Variants in BRINP3 observed in about 807,000 individuals in gnomAD.
The protein encoded by BRINP3 is BMP/retinoic acid inducible neural specific 3, also known as BMP/retinoic acid-inducible neural-specific protein 3.
Under a neutral mutation model 71.0 loss-of-function variants are expected in BRINP3, and 19 were observed. The ratio of observed to expected loss-of-function variants is 0.27; its 90% CI spans 0.19 to 0.39. The LOEUF (loss-of-function observed/expected upper bound fraction) is 0.39. Ranked by LOEUF, BRINP3 falls within the 10% of genes least tolerant of loss-of-function variation. The probability of loss-of-function intolerance (pLI) is 1.00; values close to 1 mark genes in which losing one functional copy is unlikely to be tolerated. For synonymous variants in BRINP3, 380 were observed against 337.7 expected (o/e 1.13, Z -1.37); for missense variants, 959 against 940.8 (o/e 1.02, Z -0.25).
intron 7 of BRINP3, among the ~76,000 whole-genome samples, chr1:190,104,807 C>G (rs1044568234): frequency 2.6e-5 from 4 of 152,022 alleles, no homozygotes; most frequent in African/African-American, 9.7e-5. Flanking sequence ...GTTAAATCTG[C>G]TCTGAGCAGT....
chr1:190,421,695 C>A (rs1467376803), intron 2 of BRINP3, among the ~76,000 whole-genome samples: 9 of 151,562 alleles, frequency 5.9e-5, no homozygotes, highest in Admixed American at 5.9e-4. Flanking sequence ...ATCCAGGCAC[C>A]ACCACTCACT....
chr1:190,216,209 A>G (rs996742757), intron 6 of BRINP3, among the ~76,000 whole-genome samples: 4 of 151,780 alleles, frequency 2.6e-5, no homozygotes, highest in Non-Finnish European at 4.4e-5. Context: ...TCCTTGATCC[A>G]CATCTGGGTA....
chr1:190,372,999 C>T (rs774241825), intron 2 of BRINP3, among the ~76,000 whole-genome samples: 41 of 151,996 alleles, frequency 2.7e-4, no homozygotes, highest in Middle Eastern at 3.4e-3. Flanking sequence ...GTAAACATTA[C>T]ATATCTAAGA....
At chr1:190,350,789 G>C (rs527356281) in intron 2 of BRINP3, among the ~76,000 whole-genome samples, 1 of 150,846 alleles carries the variant, frequency 6.6e-6, no homozygotes, top group East Asian at 2.0e-4. Context: ...GTTTAAATGG[G>C]CTTCTGCAGC....
At position 190,427,656 on chromosome 1, in the gene BRINP3, G is replaced by C. The variant is rs1439606209; in HGVS notation, c.236+26999C>G. The stretch of plus-strand genomic sequence containing the variant: ...TTGGGTAGCAAAGAAAAATCCCTTA[G>C]AGCCTCAAGAAGGAGTGCAGCCTTC... On this transcript the variant is annotated intron_variant, in intron 2 of 7. Coordinates refer to ENST00000367462, the MANE Select transcript of BRINP3 (RefSeq NM_199051.3). 2.0e-5 allele frequency among the ~76,000 whole-genome samples: 3 copies of C among 152,030 alleles called. No homozygotes were observed. The East Asian group carries it at 5.8e-4, about 29-fold the overall frequency.
intron 4 of BRINP3, among the ~76,000 whole-genome samples, chr1:190,252,512 C>G (rs982460787): frequency 2.6e-5 from 4 of 152,038 alleles, no homozygotes; most frequent in African/African-American, 9.7e-5. Flanking sequence ...TGAAACTTTT[C>G]AAAGCTGTTT....
chr1:190,377,043 A>T (rs1384393259), intron 2 of BRINP3, among the ~76,000 whole-genome samples: 2 of 152,018 alleles, frequency 1.3e-5, no homozygotes, highest in African/African-American at 2.4e-5. Flanking sequence ...ACAAATAAGA[A>T]AATTTTAATT....
Position 190,385,051 on chromosome 1 carries a change from C to T in BRINP3, c.236+69604G>A, listed in dbSNP as rs549830649. 1.1e-4 allele frequency among the ~76,000 whole-genome samples: 16 copies of T among 152,016 alleles called. No homozygotes were observed. In the East Asian group the frequency reaches 2.7e-3, roughly 26 times the overall value. ...CTGAAACTGGATCCCTTCCTTACAC[C>T]TTATACAAAAATCAATTCAAGATGG... On this transcript the variant is annotated intron_variant, in intron 2 of 7. Coordinates refer to ENST00000367462, the MANE Select transcript of BRINP3 (RefSeq NM_199051.3).
chr1:190,269,215 C>T (rs1661901872), intron 3 of BRINP3, among the ~76,000 whole-genome samples: 1 of 152,038 alleles, frequency 6.6e-6, no homozygotes, highest in Non-Finnish European at 1.5e-5. Context: ...AAAAGATAGA[C>T]TTTTTACTAA....
chr1:190,347,619 C>T (rs1668110830), intron 2 of BRINP3, among the ~76,000 whole-genome samples: 1 of 151,946 alleles, frequency 6.6e-6, no homozygotes, highest in South Asian at 2.1e-4. Flanking sequence ...GCAGAAATAC[C>T]AATTTTCCCA....
At chr1:190,370,082 C>T (rs1262303514) in intron 2 of BRINP3, among the ~76,000 whole-genome samples, 1 of 152,050 alleles carries the variant, frequency 6.6e-6, no homozygotes, top group Non-Finnish European at 1.5e-5. Context: ...GAAGTACAAA[C>T]AAAGAAAGGA....
chr1:190,170,390 G>A (rs942140978), intron 6 of BRINP3, among the ~76,000 whole-genome samples: 1 of 152,052 alleles, frequency 6.6e-6, no homozygotes, highest in South Asian at 2.1e-4. Context: ...CATATACTAT[G>A]AATTAAGTAT....
chr1:190,107,002 A>G (rs902041621), intron 7 of BRINP3, among the ~76,000 whole-genome samples: 2 of 151,854 alleles, frequency 1.3e-5, no homozygotes, highest in Admixed American at 6.6e-5. Context: ...CTCTTTTTAC[A>G]ATCATCGTTG....
chr1:190,134,110 G>A (rs544519825), intron 7 of BRINP3, among the ~76,000 whole-genome samples: 3 of 152,018 alleles, frequency 2.0e-5, no homozygotes, highest in South Asian at 2.1e-4. Context: ...TTAAGAAAGC[G>A]TTAAGTGCTG....
rs183233082 is a variant in BRINP3 at position 190,336,504 on chromosome 1, T to C, written c.237-54754A>G. ...TCAAGCTACTATATTGGTATGAAAATGCCTATTCTTCCACTCAAGAAAACG... is the reference window on the plus strand; with the variant it reads ...TCAAGCTACTATATTGGTATGAAAACGCCTATTCTTCCACTCAAGAAAACG... On this transcript the variant is annotated intron_variant, in intron 2 of 7. Transcript: ENST00000367462. Among the ~76,000 whole-genome samples, 43 of 152,060 alleles carry C rather than the reference T, an allele frequency of 2.8e-4. 1 individual carries two copies. The East Asian group carries it at 5.6e-3, about 20-fold the overall frequency.
At chr1:190,323,639 G>A (rs1209579689) in intron 2 of BRINP3, among the ~76,000 whole-genome samples, 3 of 150,608 alleles carry the variant, frequency 2.0e-5, no homozygotes, top group African/African-American at 7.3e-5. Flanking sequence ...TTTGCATTAA[G>A]GCTGCTTATT....
chr1:190,150,486 G>C (rs1329408513), intron 7 of BRINP3, among the ~76,000 whole-genome samples: 3 of 152,148 alleles, frequency 2.0e-5, no homozygotes, highest in South Asian at 2.1e-4. Flanking sequence ...ACTCAAATTA[G>C]GTTTTCCCCA....
chr1:190,404,507 T>C (rs1323242611), intron 2 of BRINP3, among the ~76,000 whole-genome samples: 1 of 152,124 alleles, frequency 6.6e-6, no homozygotes, highest in Non-Finnish European at 1.5e-5. Flanking sequence ...CTCCTAAAAG[T>C]GTTTTAATAT....
At chr1:190,234,088 T>C (rs1658276879) in intron 5 of BRINP3, among the ~76,000 whole-genome samples, 1 of 152,110 alleles carries the variant, frequency 6.6e-6, no homozygotes, top group African/African-American at 2.4e-5. Flanking sequence ...AACTGCTACA[T>C]AATGACACAA....
Sources: gnomAD v4.1 joint callset for allele counts (sites outside exome capture counted in the v4.1 genomes callset) on GRCh38, gnomAD v4.1.1 for gene constraint, MANE v1.5 for transcripts, NCBI Gene and HGNC (gene_info 2026-07-23, HGNC 2026-07-21) for gene names.